Variants in DAAM1 observed in about 807,000 individuals in gnomAD.
DAAM1 encodes the protein disheveled-associated activator of morphogenesis 1.
In DAAM1, 52 loss-of-function variants were observed where a neutral mutation model predicts 130.0. The observed-to-expected ratio is 0.40, with a 90% CI of 0.32 to 0.50. The LOEUF is 0.50. DAAM1 is among the 20% of genes least tolerant of loss of function. The probability of loss-of-function intolerance (pLI) is 0.61; values close to 1 mark genes in which losing one functional copy is unlikely to be tolerated. For missense variants in DAAM1, 1,134 were observed against 1,303.8 expected, an observed-to-expected ratio of 0.87 and a Z score of 2.01; for synonymous variants, 452 against 444.5, an observed-to-expected ratio of 1.02 and a Z score of -0.21.
At chr14:59,214,297 T>C (rs566749805) in intron 1 of DAAM1, among the ~76,000 whole-genome samples, 1 of 152,246 alleles carries the variant, frequency 6.6e-6, no homozygotes, top group Non-Finnish European at 1.5e-5. Context: ...TGAGGGATGT[T>C]AAATGTTTTG....
At position 59,370,979 on chromosome 14, in the gene DAAM1, C is replaced by T. The variant is rs554563894; in HGVS notation, c.*2120C>T. ...AGTTTGTGTAGCTGTCCCTCTTGCCCCTTTTAATCATCCTCCTTTGATATG... is the reference window on the plus strand; with the variant it reads ...AGTTTGTGTAGCTGTCCCTCTTGCCTCTTTTAATCATCCTCCTTTGATATG... On this transcript the variant is annotated 3_prime_UTR_variant, in exon 25 of 25. Transcript: ENST00000360909. The T allele has an allele frequency of 4.2e-4, 63 of 151,762 alleles. No individual in the cohort carries two copies. Among genetic ancestry groups the T allele is most frequent in the African/African-American group, 1.5e-3 (62 of 41,378 alleles). The allele number at this position is 151,762 out of a possible 1,614,324, so 9.4% of individuals were successfully genotyped here. A position where few individuals can be genotyped will look rare whatever the true frequency, so the allele number is the denominator to read the frequency against.
chr14:59,336,152 A>G (rs939703882), intron 15 of DAAM1, among the ~76,000 whole-genome samples: 6 of 152,124 alleles, frequency 3.9e-5, no homozygotes, highest in African/African-American at 7.2e-5. Flanking sequence ...AATTTTTACC[A>G]GATTTACAAA....
intron 2 of DAAM1, 95 bp from the exon 3 acceptor site, chr14:59,291,122 G>A: frequency 1.0e-6 from 1 of 990,920 alleles, no homozygotes; most frequent in Non-Finnish European, 1.5e-6. Context: ...ATGTGTTTGT[G>A]TTTTTGTTTT....
intron 23 of DAAM1, among the ~76,000 whole-genome samples, chr14:59,366,693 A>T (rs1313487022): frequency 1.3e-5 from 2 of 152,216 alleles, no homozygotes. Flanking sequence ...TTTACTTTAG[A>T]AATGATTAAT....
intron 22 of DAAM1, chr14:59,362,828 C>T (rs1342546423): frequency 6.6e-6 from 1 of 152,036 alleles, no homozygotes; most frequent in African/African-American, 2.4e-5. Context: ...ATAGTTATTA[C>T]CAAGACTCTG....
chr14:59,198,447 G>A (rs567160451), intron 1 of DAAM1, among the ~76,000 whole-genome samples: 2 of 151,800 alleles, frequency 1.3e-5, no homozygotes, highest in Non-Finnish European at 2.9e-5. Flanking sequence ...CTTGTGATCC[G>A]CCTGAACTCC....
chr14:59,219,095 A>G (rs987510990), intron 1 of DAAM1, among the ~76,000 whole-genome samples: 5 of 152,152 alleles, frequency 3.3e-5, no homozygotes, highest in East Asian at 1.9e-4. Context: ...ATAATTCTCA[A>G]TGCCTTGGGA....
intron 3 of DAAM1, among the ~76,000 whole-genome samples, chr14:59,314,480 ATTT>A (rs780481713): frequency 7.0e-6 from 1 of 143,022 alleles, no homozygotes; most frequent in Non-Finnish European, 1.5e-5. Flanking sequence ...CTGATAACTG[ATTT>A]TTTTTTTTTT....
chr14:59,250,480 A>T (rs1881584776), intron 1 of DAAM1, among the ~76,000 whole-genome samples: 1 of 152,240 alleles, frequency 6.6e-6, no homozygotes, highest in South Asian at 2.1e-4. Context: ...CACAAAAAGC[A>T]AGCTGTAATT....
chr14:59,293,983 C>A (rs551284447), intron 3 of DAAM1, among the ~76,000 whole-genome samples: 1 of 152,286 alleles, frequency 6.6e-6, no homozygotes, highest in South Asian at 2.1e-4. Flanking sequence ...AGGCTTATCA[C>A]CAGCAAGCCA....
At chr14:59,310,736 C>A (rs1322791639) in intron 3 of DAAM1, among the ~76,000 whole-genome samples, 1 of 152,114 alleles carries the variant, frequency 6.6e-6, no homozygotes, top group Non-Finnish European at 1.5e-5. Flanking sequence ...AGAGTTTCAG[C>A]CAGTCTAGAC....
chr14:59,275,275 G>T (rs542924074), intron 2 of DAAM1, among the ~76,000 whole-genome samples: 4 of 152,138 alleles, frequency 2.6e-5, no homozygotes, highest in Non-Finnish European at 5.9e-5. Context: ...CAGGCAATGG[G>T]GCCTGTCAGA....
At chr14:59,301,548 T>G (rs1346649120) in intron 3 of DAAM1, among the ~76,000 whole-genome samples, 1 of 152,118 alleles carries the variant, frequency 6.6e-6, no homozygotes, top group African/African-American at 2.4e-5. Flanking sequence ...TTGCCATCAC[T>G]GAACACAGGA....
At chr14:59,361,996 A>G (rs1886720509) in intron 22 of DAAM1, among the ~76,000 whole-genome samples, 1 of 151,112 alleles carries the variant, frequency 6.6e-6, no homozygotes, top group South Asian at 2.1e-4. Flanking sequence ...TCAATAAATT[A>G]AGGAGCATGT....
intron 2 of DAAM1, chr14:59,263,935 C>T: frequency 4.1e-6 from 2 of 482,060 alleles, no homozygotes; most frequent in Non-Finnish European, 7.6e-6. Flanking sequence ...GGCAGTACTG[C>T]ATCTTAAGTT....
chr14:59,190,191 C>G (rs1199738946), intron 1 of DAAM1, among the ~76,000 whole-genome samples: 1 of 152,018 alleles, frequency 6.6e-6, no homozygotes, highest in African/African-American at 2.4e-5. Context: ...AGCCCCGGGA[C>G]TCTCCCCTTT....
intron 3 of DAAM1, among the ~76,000 whole-genome samples, chr14:59,310,747 A>T (rs1353228769): frequency 6.6e-6 from 1 of 152,200 alleles, no homozygotes; most frequent in Non-Finnish European, 1.5e-5. Context: ...CAGTCTAGAC[A>T]GTTAAAGAGT....
chr14:59,306,901 T>C (rs1350399337), intron 3 of DAAM1, among the ~76,000 whole-genome samples: 5 of 152,006 alleles, frequency 3.3e-5, no homozygotes, highest in Admixed American at 1.3e-4. Flanking sequence ...ATACACAGAA[T>C]TGTGGTGTAA....
In DAAM1 at chr14:59,323,090, C is replaced by T. The variant is rs1228179556; in HGVS notation, c.639C>T (p.Ser213=). The change falls in exon 6 of 25, where the codon AGC becomes AGT. Residue 213 remains serine, a synonymous_variant. Transcript: ENST00000360909. ...TTAATGTAATTGCTCAGAGTCTGAG[C>T]ACAGAGAACATTAAAACGAAGGTGG... ...ESINVIAQSL[S]TENIKTKVAV... is the part of the protein sequence containing the mutation. 1.9e-6 allele frequency: 3 copies of T among 1,613,646 alleles called. No individual in the cohort carries two copies. Among genetic ancestry groups the T allele is most frequent in the Non-Finnish European group, 2.5e-6 (3 of 1,179,840 alleles).
Sources: allele counts gnomAD v4.1 joint callset (sites outside exome capture counted in the v4.1 genomes callset), GRCh38; gene constraint gnomAD v4.1.1; transcripts MANE v1.5; gene names NCBI Gene and HGNC (gene_info 2026-07-23, HGNC 2026-07-21).